The following PPIG variants were observed in gnomAD, a reference collection of about 807,000 sequenced individuals.
PPIG encodes peptidyl-prolyl cis-trans isomerase G.
PPIG carries 26 observed loss-of-function variants against 87.9 expected under a neutral mutation model. The ratio of observed to expected loss-of-function variants is 0.30; its 90% CI spans 0.22 to 0.41. The LOEUF is 0.41. Ranked by LOEUF, PPIG falls within the 10% of genes least tolerant of loss-of-function variation. The pLI, the probability that PPIG is intolerant of heterozygous loss-of-function variation, is 1.00. For missense variants in PPIG, 722 were observed against 879.4 expected, an observed-to-expected ratio of 0.82 and a Z score of 2.26; for synonymous variants, 308 against 276.5, an observed-to-expected ratio of 1.11 and a Z score of -1.13.
chr2:169,629,851 C>T (rs988787638), intron 9 of PPIG, among the ~76,000 whole-genome samples: 2 of 152,162 alleles, frequency 1.3e-5, no homozygotes, highest in African/African-American at 4.8e-5. Flanking sequence ...GCCAGTGGTG[C>T]AGTTTGTACC....
chr2:169,623,058 A>G (rs923626406), intron 9 of PPIG, among the ~76,000 whole-genome samples: 6 of 151,986 alleles, frequency 3.9e-5, no homozygotes, highest in African/African-American at 7.3e-5. Flanking sequence ...TCTCTTTGCA[A>G]TTTTGAGATT....
chr2:169,614,171 C>T (rs1395450513), intron 7 of PPIG, among the ~76,000 whole-genome samples: 2 of 152,174 alleles, frequency 1.3e-5, no homozygotes, highest in African/African-American at 4.8e-5. Context: ...GTGCAAGAAA[C>T]ATGAATGGTT....
chr2:169,632,401 C>T (rs1318894607), intron 11 of PPIG, among the ~76,000 whole-genome samples: 3 of 152,276 alleles, frequency 2.0e-5, no homozygotes, highest in African/African-American at 7.2e-5. Flanking sequence ...CATAAATCTA[C>T]ATTATTAATA....
At chr2:169,611,808 C>A (rs771297233) in intron 7 of PPIG, among the ~76,000 whole-genome samples, 44 of 152,210 alleles carry the variant, frequency 2.9e-4, no homozygotes, top group Non-Finnish European at 5.7e-4. Context: ...CTCCTTATAT[C>A]TTCCTATTTC....
intron 6 of PPIG, among the ~76,000 whole-genome samples, chr2:169,607,842 A>G (rs1415258800): frequency 1.3e-5 from 2 of 152,192 alleles, no homozygotes; most frequent in Non-Finnish European, 2.9e-5. Context: ...ATGTAAAAGA[A>G]TCTAATCTGG....
chr2:169,616,355 A>G (rs920559151), intron 9 of PPIG, among the ~76,000 whole-genome samples: 2 of 152,308 alleles, frequency 1.3e-5, no homozygotes, highest in Admixed American at 1.3e-4. Flanking sequence ...TCTTTTGGGT[A>G]TATACCTAGT....
Position 169,586,858 on chromosome 2 carries a change from G to C in PPIG, c.-70+2368G>C, listed in dbSNP as rs529545469. Among the ~76,000 whole-genome samples, 3 of 152,306 alleles carry C rather than the reference G, an allele frequency of 2.0e-5. No individual in the cohort carries two copies. In the South Asian group the frequency reaches 6.2e-4, roughly 32 times the overall value. On this transcript the variant is annotated intron_variant, in intron 1 of 13. Coordinates refer to ENST00000260970, the MANE Select transcript of PPIG (RefSeq NM_004792.3). Reference sequence around the variant, plus strand: ...CTAAGATGTCATGAAGGAATACATAGATAATTAATGCAAGTGACCTGAAGA... The same window carrying C: ...CTAAGATGTCATGAAGGAATACATACATAATTAATGCAAGTGACCTGAAGA...
rs1230626963 is a variant in PPIG at position 169,640,082 on chromosome 2, A to G, written c.*2559A>G. On this transcript the variant is annotated 3_prime_UTR_variant, in exon 14 of 14. Transcript: ENST00000260970. ...GCCATCTGCCACAGAAATTGACACT[A>G]TGGTGAGATTAATGTTAATGAAATG... 1 of 152,204 alleles carries G rather than the reference A, an allele frequency of 6.6e-6. No homozygotes were observed. Among genetic ancestry groups the G allele is most frequent in the Non-Finnish European group, 1.5e-5 (1 of 68,016 alleles). 9.4% of individuals were successfully genotyped at this position (152,204 alleles called of 1,614,324 possible). A position where few individuals can be genotyped will look rare whatever the true frequency, so the allele number is the denominator to read the frequency against.
intron 9 of PPIG, among the ~76,000 whole-genome samples, chr2:169,624,376 T>C: frequency 6.6e-6 from 1 of 152,204 alleles, no homozygotes; most frequent in East Asian, 1.9e-4. Context: ...TTCTACTTAA[T>C]AATAAGCAAA....
intron 4 of PPIG, 138 bp from the exon 5 acceptor site, chr2:169,605,901 T>TA (rs953841575): frequency 2.0e-4 from 124 of 626,102 alleles, no homozygotes; most frequent in Middle Eastern, 4.3e-4. Flanking sequence ...AATGAATTTT[T>TA]AAAAAAAAAT....
At chr2:169,604,326 GGTT>G (rs1685261337) in intron 4 of PPIG, 65 bp downstream of exon 4, 12 of 488,284 alleles carry the variant, frequency 2.5e-5, no homozygotes, top group South Asian at 6.7e-5. Context: ...TTGCTTGCTT[GGTT>G]TTTTTTTTTT....
At chr2:169,622,326 G>A (rs1685779957) in intron 9 of PPIG, among the ~76,000 whole-genome samples, 1 of 152,214 alleles carries the variant, frequency 6.6e-6, no homozygotes, top group Non-Finnish European at 1.5e-5. Context: ...TAATAAATTT[G>A]TTGTAAAGAT....
chr2:169,590,008 C>T lies in PPIG; in HGVS notation c.-70+5518C>T, dbSNP rs565921743. The stretch of plus-strand genomic sequence containing the variant: ...CCAGTAATCCCAGCTACTCGGGAGG[C>T]TGAGGCAGGAGAATCTCTTGAACCT... On this transcript the variant is annotated intron_variant, in intron 1 of 13. Transcript: ENST00000260970. Among the ~76,000 whole-genome samples, 7 of 152,040 alleles carry T rather than the reference C, an allele frequency of 4.6e-5. No homozygotes were observed. The East Asian group carries it at 1.2e-3, about 25-fold the overall frequency.
chr2:169,593,648 A>ATTT (rs1684932667), intron 1 of PPIG, among the ~76,000 whole-genome samples: 2 of 113,582 alleles, frequency 1.8e-5, no homozygotes, highest in African/African-American at 3.1e-5. Context: ...GCTGCTTTAT[A>ATTT]TCTTTTTTTT....
At chr2:169,585,480 C>G (rs1471947572) in intron 1 of PPIG, among the ~76,000 whole-genome samples, 2 of 151,842 alleles carry the variant, frequency 1.3e-5, no homozygotes, top group African/African-American at 2.4e-5. Flanking sequence ...CCAGGATGGT[C>G]GATCTCCTGA....
chr2:169,632,068 G>A (rs577773263), intron 11 of PPIG, 135 bp downstream of exon 11: 39 of 1,205,078 alleles, frequency 3.2e-5, no homozygotes, highest in Middle Eastern at 2.8e-4. Flanking sequence ...ATGTTCTTCC[G>A]CAAAGTTCTT....
Position 169,594,680 on chromosome 2 carries a change from A to G in PPIG, c.-69-8962A>G, listed in dbSNP as rs536405677. Among the ~76,000 whole-genome samples the G allele has an allele frequency of 5.8e-5, 8 of 138,246 alleles. No homozygotes were observed. In the South Asian group the frequency reaches 1.6e-3, roughly 27 times the overall value. 90.7% of individuals were successfully genotyped at this position (138,246 alleles called of 152,430 possible). A position where few individuals can be genotyped will look rare whatever the true frequency, so the allele number is the denominator to read the frequency against. On this transcript the variant is annotated intron_variant, in intron 1 of 13. Coordinates refer to ENST00000260970, the MANE Select transcript of PPIG (RefSeq NM_004792.3). ...GTCTCTGTCACCCAGGCTGGAGTGC[A>G]GTGGCACAATCTCGGCTCACTGCAA...
chr2:169,631,461 C>A, intron 10 of PPIG: 1 of 615,276 alleles, frequency 1.6e-6, no homozygotes, highest in Non-Finnish European at 2.2e-6. Flanking sequence ...ATTTCTTTAC[C>A]CATGTTTTAA....
chr2:169,620,513 G>A (rs1685720613), intron 9 of PPIG, among the ~76,000 whole-genome samples: 1 of 151,896 alleles, frequency 6.6e-6, no homozygotes, highest in Admixed American at 6.6e-5. Flanking sequence ...TTTTTTAACT[G>A]TAGTTGTCTA....
Sources: allele counts gnomAD v4.1 joint callset (sites outside exome capture counted in the v4.1 genomes callset), GRCh38; gene constraint gnomAD v4.1.1; transcripts MANE v1.5; gene names NCBI Gene and HGNC (gene_info 2026-07-23, HGNC 2026-07-21).